Variants in TMEM164 observed in about 807,000 individuals in gnomAD.
TMEM164 encodes transmembrane protein 164, also known as RP13-360B22.2.
Under a neutral mutation model 18.8 loss-of-function variants are expected in TMEM164, and 4 were observed. That is an observed-to-expected ratio of 0.21 (90% CI 0.10 to 0.49). The LOEUF (loss-of-function observed/expected upper bound fraction) is 0.49, where lower values mean the gene tolerates loss of function less well. Among genes scored for constraint, TMEM164 ranks in the 20% least tolerant of loss-of-function variants. The pLI, the probability that TMEM164 is intolerant of heterozygous loss-of-function variation, is 0.98. For missense variants in TMEM164, 108 were observed against 239.9 expected (o/e 0.45, Z 3.63); for synonymous variants, 86 against 101.7 (o/e 0.85, Z 0.93).
At chrX:110,040,068 G>A (rs917595002) in intron 2 of TMEM164, among the ~76,000 whole-genome samples, 3 of 111,606 alleles carry the variant, frequency 2.7e-5, no homozygotes, top group Admixed American at 9.5e-5. Context: ...ATGTTAAGTG[G>A]GCTTCCTTCT....
chrX:110,117,369 T>C (rs1172514283), intron 4 of TMEM164, among the ~76,000 whole-genome samples: 1 of 112,855 alleles, frequency 8.9e-6, no homozygotes, highest in Non-Finnish European at 1.9e-5. Flanking sequence ...TTTGGGGGCT[T>C]AATTTTACTT....
At chrX:110,092,694 C>G (rs1242334392) in intron 3 of TMEM164, among the ~76,000 whole-genome samples, 1 of 111,491 alleles carries the variant, frequency 9.0e-6, no homozygotes, top group Non-Finnish European at 1.9e-5. Context: ...AATTGAATAC[C>G]CTTTATTTCT....
chrX:110,048,876 C>T (rs1419247600), intron 2 of TMEM164, among the ~76,000 whole-genome samples: 8 of 111,229 alleles, frequency 7.2e-5, no homozygotes, highest in South Asian at 3.7e-4. Context: ...GCGCTGCTTA[C>T]GGAATTTAGA....
intron 5 of TMEM164, among the ~76,000 whole-genome samples, chrX:110,160,917 T>A (rs1161126438): frequency 1.8e-5 from 2 of 111,757 alleles, no homozygotes; most frequent in Non-Finnish European, 3.8e-5. Context: ...ATTGTTGTAA[T>A]TTTAGGAGAG....
intron 6 of TMEM164, among the ~76,000 whole-genome samples, chrX:110,171,770 G>C (rs1267484510): frequency 1.8e-5 from 2 of 112,055 alleles, no homozygotes; most frequent in Non-Finnish European, 3.8e-5. Context: ...TTCACTCATG[G>C]CCACTTGGGT....
chrX:110,160,958 C>T (rs1355057881), intron 5 of TMEM164, among the ~76,000 whole-genome samples: 1 of 112,103 alleles, frequency 8.9e-6, no homozygotes, highest in African/African-American at 3.2e-5. Context: ...CAAGGCTGGC[C>T]TTGAATCCCG....
At chrX:110,147,592 C>A (rs763461403) in intron 5 of TMEM164, among the ~76,000 whole-genome samples, 1 of 110,857 alleles carries the variant, frequency 9.0e-6, no homozygotes, top group Non-Finnish European at 1.9e-5. Flanking sequence ...AAGGCTTTCT[C>A]TTTTACTATT....
At chrX:110,138,593 G>A (rs927881189) in intron 4 of TMEM164, among the ~76,000 whole-genome samples, 1 of 111,765 alleles carries the variant, frequency 8.9e-6, no homozygotes, top group Non-Finnish European at 1.9e-5. Flanking sequence ...GAGAAGGAAC[G>A]CCATTGAGGT....
chrX:110,113,471 A>T (rs1426228929), intron 4 of TMEM164, among the ~76,000 whole-genome samples: 1 of 112,467 alleles, frequency 8.9e-6, no homozygotes, highest in Non-Finnish European at 1.9e-5. Context: ...TGATCCAATT[A>T]GGTTGTAAGC....
At chrX:110,014,777 T>C (rs1246581498) in intron 2 of TMEM164, among the ~76,000 whole-genome samples, 2 of 103,137 alleles carry the variant, frequency 1.9e-5, no homozygotes, top group Non-Finnish European at 4.0e-5. Context: ...TACTTTTTCA[T>C]TTATTTCTTT....
intron 2 of TMEM164, among the ~76,000 whole-genome samples, chrX:110,043,651 A>G (rs1935188544): frequency 9.0e-6 from 1 of 111,307 alleles, no homozygotes; most frequent in African/African-American, 3.4e-5. Flanking sequence ...GTAAGGGGTT[A>G]AAAATATCCT....
Position 110,003,996 on chromosome X carries a change from C to T in TMEM164, c.222C>T (p.Ser74=). 3 of 1,211,577 alleles carry T rather than the reference C, an allele frequency of 2.5e-6. No individual in the cohort carries two copies. Among genetic ancestry groups the T allele is most frequent in the Non-Finnish European group, 3.4e-6 (3 of 895,425 alleles). Residue 74 remains serine (S), a synonymous_variant, in exon 2 of 7, where the codon AGC becomes AGT. Coordinates refer to ENST00000372068, the MANE Select transcript of TMEM164 (RefSeq NM_032227.4). Reference sequence around the variant, plus strand: ...AGGACGGTAGGGGTAGCCCTGGCAGCCAGCCAGAGCAGGTGACCCAGCGGC... The same window carrying T: ...AGGACGGTAGGGGTAGCCCTGGCAGTCAGCCAGAGCAGGTGACCCAGCGGC... The part of the protein sequence containing the change: ...TKEDGRGSPG[S]QPEQVTQRPE...
At chrX:110,050,091 C>T (rs896285746) in intron 2 of TMEM164, among the ~76,000 whole-genome samples, 1 of 111,678 alleles carries the variant, frequency 9.0e-6, no homozygotes, top group Admixed American at 9.4e-5. Context: ...TGCTTTGCCC[C>T]GTCACTGATT....
chrX:110,043,089 A>G (rs1213263281), intron 2 of TMEM164, among the ~76,000 whole-genome samples: 1 of 112,524 alleles, frequency 8.9e-6, no homozygotes, highest in Non-Finnish European at 1.9e-5. Context: ...TAAGGTAGCA[A>G]AGGAGTTGGG....
rs2066621711 is a variant in TMEM164, at chrX:110,132,170, AAATGGACCTTGGATACACATAATTGGAG to A, written c.508-12627_508-12600del. ...TGAAACCCTATCCCTTTTTCTTTTA[AAATGGACCTTGGATACACATAATTGGAG>A]TAATCATATTTCTAATCCTTGACTC... On this transcript the variant is annotated intron_variant, in intron 4 of 6. Transcript: ENST00000372068. 2.7e-5 allele frequency among the ~76,000 whole-genome samples: 3 copies of A among 112,149 alleles called. No individual in the cohort carries two copies. The South Asian group carries it at 1.1e-3, about 41-fold the overall frequency.
At chrX:110,035,420 T>C (rs1038601153) in intron 2 of TMEM164, among the ~76,000 whole-genome samples, 1 of 110,788 alleles carries the variant, frequency 9.0e-6, no homozygotes, top group Non-Finnish European at 1.9e-5. Flanking sequence ...TCCTGTGTTA[T>C]TTAAAACTTG....
At chrX:110,141,699 T>C (rs955938061) in intron 4 of TMEM164, among the ~76,000 whole-genome samples, 69 of 112,199 alleles carry the variant, frequency 6.1e-4, no homozygotes, top group African/African-American at 2.0e-3. Context: ...CCAAAACATA[T>C]CAACGTATAG....
chrX:110,147,520 A>G (rs1304835205), intron 5 of TMEM164, among the ~76,000 whole-genome samples: 2 of 111,028 alleles, frequency 1.8e-5, no homozygotes, highest in African/African-American at 6.6e-5. Flanking sequence ...GCCCTGCCCC[A>G]TATGCTGCAG....
intron 2 of TMEM164, among the ~76,000 whole-genome samples, chrX:110,044,270 ACT>A (rs1031610301): frequency 2.7e-5 from 3 of 112,214 alleles, no homozygotes; most frequent in African/African-American, 9.7e-5. Context: ...GGTCTTTGAA[ACT>A]CTATTTGGAA....
Sources: allele counts gnomAD v4.1 joint callset (sites outside exome capture counted in the v4.1 genomes callset), GRCh38; gene constraint gnomAD v4.1.1; transcripts MANE v1.5; gene names NCBI Gene and HGNC (gene_info 2026-07-23, HGNC 2026-07-21).